The following PPP6R1 variants were observed in gnomAD, a reference collection of about 807,000 sequenced individuals.
PPP6R1 encodes the protein serine/threonine-protein phosphatase 6 regulatory subunit 1.
PPP6R1 carries 39 observed loss-of-function variants against 104.6 expected under a neutral mutation model. That is an observed-to-expected ratio of 0.37 (90% CI 0.29 to 0.49). The LOEUF is 0.49. PPP6R1 is among the 20% of genes least tolerant of loss of function. PPP6R1 has a pLI of 0.98. For missense variants in PPP6R1, 1,181 were observed against 1,155.8 expected (o/e 1.02, Z -0.32); for synonymous variants, 549 against 479.0 (o/e 1.15, Z -1.91).
Position 55,245,768 on chromosome 19 carries a change from C to T in PPP6R1, c.228-90G>A. 9.2e-7 allele frequency: 1 copy of T among 1,089,120 alleles called. No homozygotes were observed. The highest frequency in any genetic ancestry group is 2.2e-5 in the Admixed American group (1 of 46,118). The allele number at this position is 1,089,120 out of a possible 1,614,324, so 67.5% of individuals were successfully genotyped here. A position where few individuals can be genotyped will look rare whatever the true frequency, so the allele number is the denominator to read the frequency against. ...TCCACCCTCTTCTCTGCACCGGGCA[C>T]TGGGTTTCTGGGAACTGCAGAGACC... On this transcript the variant is annotated intron_variant, in intron 2 of 23. Transcript: ENST00000412770. This position sits in a 1 kb window ranked among gnomAD's most constrained non-coding sequence, Gnocchi z 6.4.
intron 22 of PPP6R1, 41 bp downstream of exon 22, chr19:55,230,733 G>GC (rs2087334880): frequency 7.2e-7 from 1 of 1,390,560 alleles, no homozygotes. Flanking sequence ...TGCCCCACCA[G>GC]CCCCACCCCC....
In PPP6R1 at chr19:55,232,029, G is replaced by A. The variant is rs1007077593; in HGVS notation, c.2125+46C>T. On this transcript the variant is annotated intron_variant, in intron 18 of 23. Coordinates refer to ENST00000412770, the MANE Select transcript of PPP6R1 (RefSeq NM_014931.4). ...GGGATGGAGGGTGAACTCAGTAGCAGGCAGACAGCCCTGTGTACACCTGAC... is the reference window on the plus strand; with the variant it reads ...GGGATGGAGGGTGAACTCAGTAGCAAGCAGACAGCCCTGTGTACACCTGAC... 3.7e-6 allele frequency: 6 copies of A among 1,610,508 alleles called. No homozygotes were observed. The African/African-American group carries it at 8.0e-5, about 22-fold the overall frequency.
chr19:55,249,273 A>T lies in PPP6R1; in HGVS notation c.-6-2164T>A, dbSNP rs183800237. Among the ~76,000 whole-genome samples, 325 of 151,782 alleles carry T rather than the reference A, an allele frequency of 2.1e-3. 2 individuals are homozygous for T. The highest frequency in any genetic ancestry group is 6.6e-3 in the African/African-American group (274 of 41,388). ...TAATCCTTTGTTTTTGAGGAGTCTCACTCTGTTGCCCAGGCTGGAATGCAG... is the reference window on the plus strand; with the variant it reads ...TAATCCTTTGTTTTTGAGGAGTCTCTCTCTGTTGCCCAGGCTGGAATGCAG... On this transcript the variant is annotated intron_variant, in intron 1 of 23. Coordinates refer to ENST00000412770, the MANE Select transcript of PPP6R1 (RefSeq NM_014931.4).
At chr19:55,233,732 A>G (rs1430703719) in intron 17 of PPP6R1, among the ~76,000 whole-genome samples, 1 of 152,242 alleles carries the variant, frequency 6.6e-6, no homozygotes, top group African/African-American at 2.4e-5. Context: ...AAAGAAATAC[A>G]AAGCCTCATA....
chr19:55,231,736 G>A, intron 19 of PPP6R1, 66 bp downstream of exon 19: 1 of 1,505,066 alleles, frequency 6.6e-7, no homozygotes, highest in Non-Finnish European at 8.9e-7. Flanking sequence ...AGAGGACGGG[G>A]ACCCCATGGC....
Position 55,241,631 on chromosome 19 carries a change from G to A in PPP6R1, c.854C>T (p.Ser285Phe). The change falls in exon 8 of 24, where the codon TCC becomes TTC. Residue 285 changes from serine to phenylalanine, a missense_variant. Physicochemically the swap from Ser to Phe is radical, Grantham distance 155 (BLOSUM62 -2). Transcript: ENST00000412770. This position sits in a 1 kb window ranked among gnomAD's most constrained non-coding sequence, Gnocchi z 5.4. The stretch of plus-strand genomic sequence containing the variant: ...GCTGAAGAAGCTGTTCACGGTCACG[G>A]ACTCGGACCTGCAGCAGGGCAGGGT... ...LLEPRRPRSE[S>F]VTVNSFFSSV... 1 of 1,577,278 alleles carries A rather than the reference G, an allele frequency of 6.3e-7. No homozygotes were observed. The highest frequency in any genetic ancestry group is 8.6e-7 in the Non-Finnish European group (1 of 1,163,112).
chr19:55,241,412 G>GA lies in PPP6R1; in HGVS notation c.1009-22dup, dbSNP rs770559851. The GA allele has an allele frequency of 6.2e-7, 1 of 1,600,974 alleles. No individual in the cohort carries two copies. Among genetic ancestry groups the GA allele is most frequent in the East Asian group, 2.2e-5 (1 of 44,670 alleles). On this transcript the variant is annotated intron_variant, in intron 8 of 23. Transcript: ENST00000412770. The surrounding 1 kb of genome is among the most constrained non-coding windows in gnomAD (Gnocchi z 5.4). ...TCCAGCTGCAGACACAGGGAGGCCT[G>GA]ATTCCCAAGGGCTGCCCTTCCTGCT...
chr19:55,230,752 G>T, intron 22 of PPP6R1, 22 bp downstream of exon 22: 2 of 576,544 alleles, frequency 3.5e-6, no homozygotes, highest in Non-Finnish European at 4.8e-6. Context: ...CCACCCCCCC[G>T]CCCTGCTGCC....
At chr19:55,249,958 T>G (rs929312174) in intron 1 of PPP6R1, among the ~76,000 whole-genome samples, 2 of 152,186 alleles carry the variant, frequency 1.3e-5, no homozygotes. Flanking sequence ...GCTCACTGAC[T>G]GACCTCCATG....
In PPP6R1 at chr19:55,240,067, A is replaced by G. The variant is rs1461904819; in HGVS notation, c.1409T>C (p.Val470Ala). 3.1e-6 allele frequency: 5 copies of G among 1,602,000 alleles called. No individual in the cohort carries two copies. The highest frequency in any genetic ancestry group is 1.7e-5 in the Admixed American group (1 of 58,896). Residue 470 changes from valine to alanine, a missense_variant, in exon 12 of 24, where the codon GTG (valine) becomes GCG (alanine). This residue lies in a region of PPP6R1 where 1,042 missense variants were observed against 955.6 expected (regional missense o/e 1.09). Transcript: ENST00000412770. Reference sequence around the variant, plus strand: ...CGTGTTCTGCACCAGGGCACCGGCCACTCTTGTCAGGTGACCCATGTAGCC... The same window carrying G: ...CGTGTTCTGCACCAGGGCACCGGCCGCTCTTGTCAGGTGACCCATGTAGCC... ...RKGYMGHLTR[V>A]AGALVQNTEK...
chr19:55,234,199 G>A (rs564228522), intron 17 of PPP6R1, among the ~76,000 whole-genome samples: 1 of 152,206 alleles, frequency 6.6e-6, no homozygotes, highest in African/African-American at 2.4e-5. Flanking sequence ...CATCCACCTT[G>A]GCCTCCCAAA....
intron 1 of PPP6R1, among the ~76,000 whole-genome samples, chr19:55,256,215 C>T (rs1231854053): frequency 6.6e-6 from 1 of 152,240 alleles, no homozygotes; most frequent in African/African-American, 2.4e-5. Context: ...ACTCACAGCT[C>T]ATGAGTCACA....
Position 55,243,592 on chromosome 19 carries a change from G to C in PPP6R1, c.619-1104C>G, listed in dbSNP as rs142570457. On this transcript the variant is annotated intron_variant, in intron 5 of 23. Coordinates refer to ENST00000412770, the MANE Select transcript of PPP6R1 (RefSeq NM_014931.4). ...AGGCAGGAGGATTGCTTGAGCCCAG[G>C]GGGGTCAAGGCTACAGTGAGGCAAG... Among the ~76,000 whole-genome samples the C allele has an allele frequency of 5.1e-4, 77 of 151,638 alleles. No individual in the cohort carries two copies. In the East Asian group the frequency reaches 0.013, roughly 26 times the overall value.
Position 55,240,836 on chromosome 19 carries a change from C to T in PPP6R1, c.1296+109G>A, listed in dbSNP as rs554847711. The T allele has an allele frequency of 8.3e-5, 119 of 1,441,248 alleles. 2 individuals carry two copies. In the African/African-American group the frequency reaches 1.5e-3, roughly 19 times the overall value. 89.3% of individuals were successfully genotyped at this position (1,441,248 alleles called of 1,614,324 possible). On this transcript the variant is annotated intron_variant, in intron 10 of 23. Transcript: ENST00000412770. ...CCCATCTGGGCGCTGGCACCTAACA[C>T]TACCCAACAAACACTTGTGGGAGGA...
At chr19:55,242,589 A>G in intron 5 of PPP6R1, 101 bp from the exon 6 acceptor site, 1 of 974,802 alleles carries the variant, frequency 1.0e-6, no homozygotes, top group South Asian at 1.4e-5. Flanking sequence ...CCAGGGAAAA[A>G]TGGTCACCCA....
chr19:55,242,629 G>A (rs934096261), intron 5 of PPP6R1, 141 bp from the exon 6 acceptor site: 8 of 700,134 alleles, frequency 1.1e-5, no homozygotes, highest in South Asian at 3.4e-5. Context: ...CGAAGGAGGA[G>A]GGCACAGAGG....
At chr19:55,237,845 G>A (rs1204343116) in intron 15 of PPP6R1, among the ~76,000 whole-genome samples, 2 of 152,342 alleles carry the variant, frequency 1.3e-5, no homozygotes, top group Non-Finnish European at 2.9e-5. Context: ...GAGCTATGCG[G>A]GGCAGCATCT....
intron 1 of PPP6R1, among the ~76,000 whole-genome samples, chr19:55,251,816 T>C (rs982613088): frequency 1.3e-5 from 2 of 152,062 alleles, no homozygotes; most frequent in African/African-American, 4.8e-5. Context: ...GGGAATGGAT[T>C]TCCTGATCTG....
At position 55,242,560 on chromosome 19, in the gene PPP6R1, C is replaced by G. The variant is rs1198387354; in HGVS notation, c.619-72G>C. On this transcript the variant is annotated intron_variant, in intron 5 of 23. Transcript: ENST00000412770. ...CCTCTGCAGCCTGGTGCTGGGAGCC[C>G]CTCCCATGAGCTGACCATCCAGGGA... is the stretch of plus-strand genomic sequence containing the variant. 6 of 1,315,386 alleles carry G rather than the reference C, an allele frequency of 4.6e-6. No individual in the cohort carries two copies. The African/African-American group carries it at 7.3e-5, about 16-fold the overall frequency. 81.5% of individuals were successfully genotyped at this position (1,315,386 alleles called of 1,614,324 possible). A position where few individuals can be genotyped will look rare whatever the true frequency, so the allele number is the denominator to read the frequency against.
Sources: allele counts gnomAD v4.1 joint callset (sites outside exome capture counted in the v4.1 genomes callset), GRCh38; gene constraint gnomAD v4.1.1; regional missense constraint gnomAD v4.1.1; non-coding constraint Gnocchi (gnomAD v3.1); transcripts MANE v1.5; gene names NCBI Gene and HGNC (gene_info 2026-07-23, HGNC 2026-07-21).